The following SLC14A2 variants were observed in gnomAD, a reference collection of about 807,000 sequenced individuals.
SLC14A2 encodes the protein solute carrier family 14 member 2.
A neutral mutation model predicts 104.6 loss-of-function variants in SLC14A2; 91 were observed. The ratio of observed to expected loss-of-function variants is 0.87; its 90% CI spans 0.73 to 1.04. SLC14A2 has a LOEUF of 1.04. SLC14A2 is among the 50% of genes least tolerant of loss of function. The probability of loss-of-function intolerance (pLI) is 0.00; values close to 1 mark genes in which losing one functional copy is unlikely to be tolerated. For missense variants in SLC14A2, 1,189 were observed against 1,156.0 expected (o/e 1.03, Z -0.41); for synonymous variants, 476 against 466.4 (o/e 1.02, Z -0.27).
chr18:45,328,301 T>A (rs55653446), intron 1 of SLC14A2, among the ~76,000 whole-genome samples: 52,686 of 151,988 alleles, frequency 0.35, 10,161 homozygotes, highest in African/African-American at 0.52. Flanking sequence ...CATCTCAGGG[T>A]ATGCTGCTTG....
At chr18:45,512,676 T>C (rs1375698697) in intron 2 of SLC14A2, among the ~76,000 whole-genome samples, 1 of 152,144 alleles carries the variant, frequency 6.6e-6, no homozygotes, top group African/African-American at 2.4e-5. Flanking sequence ...TGGTAATTGA[T>C]TAGGGCAATA....
intron 1 of SLC14A2, among the ~76,000 whole-genome samples, chr18:45,264,475 A>C (rs2084571742): frequency 6.6e-6 from 1 of 152,042 alleles, no homozygotes; most frequent in Non-Finnish European, 1.5e-5. Context: ...GCCTTAGTGT[A>C]TTAGTCCGTT....
intron 1 of SLC14A2, among the ~76,000 whole-genome samples, chr18:45,282,261 T>C (rs1045694933): frequency 6.6e-6 from 1 of 152,066 alleles, no homozygotes; most frequent in African/African-American, 2.4e-5. Flanking sequence ...GAGTCAACTG[T>C]GAGTGAGAGA....
chr18:45,360,467 A>C (rs2085599438), intron 1 of SLC14A2, among the ~76,000 whole-genome samples: 1 of 152,230 alleles, frequency 6.6e-6, no homozygotes, highest in African/African-American at 2.4e-5. Flanking sequence ...ATCTCCCCTG[A>C]CTTGTCAAAA....
intron 10 of SLC14A2, among the ~76,000 whole-genome samples, chr18:45,657,641 G>T (rs1045988606): frequency 6.6e-6 from 1 of 152,158 alleles, no homozygotes; most frequent in Non-Finnish European, 1.5e-5. Context: ...ATAAATCTTA[G>T]ACTACAAGAT....
At chr18:45,251,785 T>G (rs988605214) in intron 1 of SLC14A2, among the ~76,000 whole-genome samples, 2 of 152,154 alleles carry the variant, frequency 1.3e-5, no homozygotes, top group Non-Finnish European at 2.9e-5. Context: ...AGACTCTATC[T>G]CCAAATACAG....
intron 1 of SLC14A2, among the ~76,000 whole-genome samples, chr18:45,256,809 G>T (rs983004547): frequency 6.6e-6 from 1 of 152,212 alleles, no homozygotes; most frequent in Non-Finnish European, 1.5e-5. Flanking sequence ...GGGAAAAGGG[G>T]CAAATCTCAG....
chr18:45,428,061 C>T (rs527624454), intron 1 of SLC14A2, among the ~76,000 whole-genome samples: 2 of 152,262 alleles, frequency 1.3e-5, no homozygotes, highest in South Asian at 2.1e-4. Flanking sequence ...GGACTGAAGG[C>T]CACTCATTAC....
chr18:45,242,075 A>G (rs2084323787), intron 1 of SLC14A2, among the ~76,000 whole-genome samples: 1 of 152,150 alleles, frequency 6.6e-6, no homozygotes, highest in Admixed American at 6.5e-5. Context: ...TTACTGCACA[A>G]CAAAGCCAAA....
At chr18:45,666,060 G>A in intron 11 of SLC14A2, 77 bp from the exon 12 acceptor site, 5 of 983,816 alleles carry the variant, frequency 5.1e-6, no homozygotes. Context: ...CACCTCTTGA[G>A]CCTTGCAGGA....
At chr18:45,192,974 T>C in the SLC14A2 span, among the ~76,000 whole-genome samples, 6 of 152,128 alleles carry the variant, frequency 3.9e-5, no homozygotes, top group Non-Finnish European at 1.5e-5. Flanking sequence ...TGGTATCTTA[T>C]TATGGCTTTT....
At chr18:45,392,741 G>A (rs1377961571) in intron 1 of SLC14A2, among the ~76,000 whole-genome samples, 1 of 152,114 alleles carries the variant, frequency 6.6e-6, no homozygotes, top group Admixed American at 6.5e-5. Flanking sequence ...TCTTTAAATT[G>A]TTGGAATTAA....
intron 18 of SLC14A2, 128 bp from the exon 19 acceptor site, chr18:45,678,847 A>T (rs1213019467): frequency 2.3e-6 from 2 of 872,532 alleles, no homozygotes; most frequent in Non-Finnish European, 3.4e-6. Flanking sequence ...ACATAACTCA[A>T]ATTTTTAAAA....
In SLC14A2 at chr18:45,371,285, A is replaced by G. The variant is rs565041832; in HGVS notation, c.-124-111948A>G. On this transcript the variant is annotated intron_variant, in intron 1 of 20. Coordinates refer to the SLC14A2 transcript ENST00000586448. The stretch of plus-strand genomic sequence containing the variant: ...TCTCCTGTTCTCCAAACCTTGTTAA[A>G]CCTCAAAGACCTTTTCAAATTCCAC... Among the ~76,000 whole-genome samples the G allele has an allele frequency of 5.9e-5, 9 of 152,214 alleles. No individual in the cohort carries two copies. In the South Asian group the frequency reaches 1.9e-3, roughly 32 times the overall value.
intron 1 of SLC14A2, among the ~76,000 whole-genome samples, chr18:45,246,739 G>A (rs373039294): frequency 4.3e-4 from 66 of 152,132 alleles, no homozygotes; most frequent in African/African-American, 1.4e-3. Flanking sequence ...CACTGGGCAC[G>A]GTGGCTCACG....
intron 4 of SLC14A2, among the ~76,000 whole-genome samples, chr18:45,631,910 A>G (rs1027720238): frequency 3.9e-5 from 6 of 152,114 alleles, no homozygotes; most frequent in Non-Finnish European, 7.3e-5. Flanking sequence ...TGAGCCACTG[A>G]GCCTGGCCAA....
intron 1 of SLC14A2, among the ~76,000 whole-genome samples, chr18:45,624,076 T>C (rs867492604): frequency 1.3e-5 from 2 of 152,134 alleles, no homozygotes; most frequent in Non-Finnish European, 2.9e-5. Flanking sequence ...TCAGCTGGGA[T>C]GCACACAGCT....
intron 2 of SLC14A2, among the ~76,000 whole-genome samples, chr18:45,606,014 A>G (rs1011688308): frequency 2.9e-4 from 44 of 152,200 alleles, no homozygotes; most frequent in African/African-American, 1.0e-3. Flanking sequence ...CAGAAACTCC[A>G]AGTAACTATT....
At chr18:45,436,977 C>G (rs1378869165) in intron 1 of SLC14A2, among the ~76,000 whole-genome samples, 1 of 152,194 alleles carries the variant, frequency 6.6e-6, no homozygotes, top group Non-Finnish European at 1.5e-5. Flanking sequence ...TGGTCCTCCG[C>G]TCAGGATTCT....
Sources: allele counts gnomAD v4.1 joint callset (sites outside exome capture counted in the v4.1 genomes callset), GRCh38; gene constraint gnomAD v4.1.1; transcripts MANE v1.5; gene names NCBI Gene and HGNC (gene_info 2026-07-23, HGNC 2026-07-21).